AMOTL1: variants seen among roughly 807,000 people sequenced by gnomAD.
AMOTL1 encodes the protein angiomotin-like protein 1.
A neutral mutation model predicts 102.9 loss-of-function variants in AMOTL1; 45 were observed. The ratio of observed to expected loss-of-function variants is 0.44; its 90% confidence interval spans 0.34 to 0.56. The LOEUF (loss-of-function observed/expected upper bound fraction) is 0.56, where lower values mean the gene tolerates loss of function less well. Ranked by LOEUF, AMOTL1 falls within the 20% of genes least tolerant of loss-of-function variation. The probability of loss-of-function intolerance (pLI) is 0.01; values close to 1 mark genes in which losing one functional copy is unlikely to be tolerated. For missense variants in AMOTL1, 1,114 were observed against 1,225.6 expected, an observed-to-expected ratio of 0.91 and a Z score of 1.36; for synonymous variants, 481 against 484.7, an observed-to-expected ratio of 0.99 and a Z score of 0.10.
intron 2 of AMOTL1, among the ~76,000 whole-genome samples, chr11:94,739,454 G>T (rs1433603869): frequency 6.6e-6 from 1 of 152,198 alleles, no homozygotes; most frequent in Non-Finnish European, 1.5e-5. Context: ...CCTAAGCAAT[G>T]CTGGCCGAAG....
intron 1 of AMOTL1, among the ~76,000 whole-genome samples, chr11:94,773,745 A>G (rs576273250): frequency 5.3e-5 from 8 of 152,264 alleles, no homozygotes; most frequent in Non-Finnish European, 1.0e-4. Context: ...TTGAGTTGGC[A>G]TAAACTGAGT....
chr11:94,830,326 A>G (rs1050001015), intron 5 of AMOTL1, 132 bp downstream of exon 5: 5 of 841,096 alleles, frequency 5.9e-6, no homozygotes, highest in Non-Finnish European at 8.6e-6. Context: ...GTGTATTTCA[A>G]TGATCTGGGG....
At chr11:94,824,183 CCTT>C (rs1951920186) in intron 4 of AMOTL1, among the ~76,000 whole-genome samples, 1 of 152,044 alleles carries the variant, frequency 6.6e-6, no homozygotes, top group African/African-American at 2.4e-5. Flanking sequence ...AAGCTGTGTC[CCTT>C]CTTGAACCCA....
Position 94,859,591 on chromosome 11 carries a change from C to T in AMOTL1, c.2011C>T (p.Arg671Trp), listed in dbSNP as rs772911456. 1.5e-5 allele frequency: 25 copies of T among 1,613,584 alleles called. No individual in the cohort carries two copies. Among genetic ancestry groups the T allele is most frequent in the Admixed American group, 6.7e-5 (4 of 59,992 alleles). The change falls in exon 9 of 13, where the codon CGG becomes TGG. Residue 671 changes from arginine to tryptophan, a missense_variant. Physicochemically the swap from Arg to Trp is moderately radical, Grantham distance 101. Transcript: ENST00000433060. The part of the protein sequence containing the change: ...YNAPALLELV[R>W]EKEERILALE... ...TGCCCCAGCCCTCCTGGAACTTGTG[C>T]GGGAGAAGGAGGAGCGGATCCTGGC...
chr11:94,764,870 C>T (rs1950836649), upstream of AMOTL1, among the ~76,000 whole-genome samples: 1 of 152,162 alleles, frequency 6.6e-6, no homozygotes, highest in South Asian at 2.1e-4. Context: ...TCTCATTTAA[C>T]CCTTGCAATA....
intron 1 of AMOTL1, among the ~76,000 whole-genome samples, chr11:94,711,403 G>A (rs1029796559): frequency 1.3e-5 from 2 of 152,008 alleles, no homozygotes; most frequent in African/African-American, 4.8e-5. Flanking sequence ...ATCAAAACCA[G>A]GTAATTGACA....
rs1474021661 is a variant in AMOTL1, at chr11:94,874,986, T to C, written c.*4191T>C. 3.9e-5 allele frequency: 6 copies of C among 152,208 alleles called. No homozygotes were observed. Among genetic ancestry groups the C allele is most frequent in the Admixed American group, 3.9e-4 (6 of 15,282 alleles). 9.4% of individuals were successfully genotyped at this position (152,208 alleles called of 1,614,324 possible). On this transcript the variant is annotated 3_prime_UTR_variant, in exon 13 of 13. Transcript: ENST00000433060. Reference sequence around the variant, plus strand: ...CTTAAGCAAAGGAGTACCATGACCATAGTCAGTGGGATCCCACAAATGTTC... The same window carrying C: ...CTTAAGCAAAGGAGTACCATGACCACAGTCAGTGGGATCCCACAAATGTTC...
intron 8 of AMOTL1, among the ~76,000 whole-genome samples, chr11:94,857,168 TATAC>T (rs1952685262): frequency 6.6e-6 from 1 of 152,190 alleles, no homozygotes; most frequent in African/African-American, 2.4e-5. Flanking sequence ...GCAAATAAAT[TATAC>T]TTACCTCACA....
chr11:94,723,856 A>G (rs1950213440), intron 1 of AMOTL1, among the ~76,000 whole-genome samples: 1 of 152,134 alleles, frequency 6.6e-6, no homozygotes. Flanking sequence ...TATCACTTGA[A>G]TATTAAGAGT....
intron 1 of AMOTL1, among the ~76,000 whole-genome samples, chr11:94,709,421 C>T (rs772758549): frequency 3.3e-5 from 5 of 152,146 alleles, no homozygotes; most frequent in Non-Finnish European, 5.9e-5. Context: ...TAAATACTCC[C>T]ACCATGGCTT....
Position 94,800,090 on chromosome 11 carries a change from A to G in AMOTL1, c.900A>G (p.Ala300=). ...GGGGGCCCTCCCCTGCCCAGCCTGC[A>G]GGTAAAGTGCTGGACCCTCGGGGTC... The part of the protein sequence containing the change: ...VGGGPSPAQP[A]GKVLDPRGPP... The change falls in exon 3 of 13, where the codon GCA becomes GCG. Residue 300 remains alanine (A), a synonymous_variant. Transcript: ENST00000433060. 6.2e-7 allele frequency: 1 copy of G among 1,613,948 alleles called. No individual in the cohort carries two copies. The highest frequency in any genetic ancestry group is 8.5e-7 in the Non-Finnish European group (1 of 1,179,830).
At chr11:94,864,988 C>G (rs1384451649) in intron 10 of AMOTL1, 128 bp downstream of exon 10, 7 of 1,300,726 alleles carry the variant, frequency 5.4e-6, no homozygotes, top group Admixed American at 2.6e-5. Context: ...TCTCCTCCCC[C>G]ATGCTGTGCC....
At chr11:94,862,086 G>A (rs1952786074) in intron 9 of AMOTL1, among the ~76,000 whole-genome samples, 1 of 152,100 alleles carries the variant, frequency 6.6e-6, no homozygotes. Context: ...TCTTGGATGG[G>A]CAGAGGGAGC....
intron 1 of AMOTL1, among the ~76,000 whole-genome samples, chr11:94,781,696 G>A (rs1192931182): frequency 6.6e-6 from 1 of 152,080 alleles, no homozygotes; most frequent in Non-Finnish European, 1.5e-5. Context: ...TTACCTGGGT[G>A]TGGTGGTGCA....
chr11:94,751,910 T>G (rs1306868536), intron 3 of AMOTL1, among the ~76,000 whole-genome samples: 1 of 152,038 alleles, frequency 6.6e-6, no homozygotes, highest in Non-Finnish European at 1.5e-5. Context: ...TCCTGAAAAT[T>G]AAACACAAGC....
At chr11:94,813,448 A>C (rs1951715643) in intron 3 of AMOTL1, among the ~76,000 whole-genome samples, 1 of 152,200 alleles carries the variant, frequency 6.6e-6, no homozygotes, top group Non-Finnish European at 1.5e-5. Flanking sequence ...TTCCCCAGGC[A>C]AGGTAAAGAA....
chr11:94,769,817 A>G (rs1170184422), intron 1 of AMOTL1, among the ~76,000 whole-genome samples: 4 of 152,004 alleles, frequency 2.6e-5, no homozygotes, highest in Non-Finnish European at 5.9e-5. Context: ...CTCCTGAGGC[A>G]TGTTATGAGA....
chr11:94,868,033 G>T (rs1427673429), intron 11 of AMOTL1, among the ~76,000 whole-genome samples: 2 of 152,240 alleles, frequency 1.3e-5, no homozygotes, highest in African/African-American at 4.8e-5. Flanking sequence ...GGCCTTTGCT[G>T]CTCAGCGTGG....
At chr11:94,708,115 A>G (rs948821028) in intron 1 of AMOTL1, among the ~76,000 whole-genome samples, 2 of 152,086 alleles carry the variant, frequency 1.3e-5, no homozygotes, top group African/African-American at 4.8e-5. Flanking sequence ...CTAACCCATC[A>G]ACACGCTTTG....
Sources: gnomAD v4.1 joint callset for allele counts (sites outside exome capture counted in the v4.1 genomes callset) on GRCh38, gnomAD v4.1.1 for gene constraint, MANE v1.5 for transcripts, NCBI Gene and HGNC (gene_info 2026-07-23, HGNC 2026-07-21) for gene names.